The following KDM4C variants were observed in gnomAD, a reference collection of about 807,000 sequenced individuals.
The protein encoded by KDM4C is lysine demethylase 4C.
In KDM4C, 81 loss-of-function variants were observed where a neutral mutation model predicts 129.3. That is an observed-to-expected ratio of 0.63 (90% confidence interval 0.52 to 0.75). KDM4C has a LOEUF of 0.75. Ranked by LOEUF, KDM4C falls within the 30% of genes least tolerant of loss-of-function variation. The pLI is 0.00. For missense variants in KDM4C, 1,457 were observed against 1,304.0 expected (o/e 1.12, Z -1.81); for synonymous variants, 573 against 456.1 (o/e 1.26, Z -3.26).
intron 1 of KDM4C, among the ~76,000 whole-genome samples, chr9:6,732,381 A>T (rs1817376089): frequency 2.1e-5 from 3 of 140,598 alleles, no homozygotes; most frequent in African/African-American, 8.0e-5. Flanking sequence ...AAAAAAAAAA[A>T]AAAAAAAAAA....
At chr9:7,051,799 CCAAA>C (rs770848822) in intron 17 of KDM4C, among the ~76,000 whole-genome samples, 5 of 152,136 alleles carry the variant, frequency 3.3e-5, no homozygotes, top group Non-Finnish European at 5.9e-5. Flanking sequence ...ATTTATTTCA[CCAAA>C]CAATTATCAC....
At chr9:6,768,742 T>G (rs185211210) in intron 1 of KDM4C, among the ~76,000 whole-genome samples, 2 of 152,210 alleles carry the variant, frequency 1.3e-5, no homozygotes, top group Non-Finnish European at 2.9e-5. Context: ...CTTCATGGTC[T>G]TGATTTTCAT....
intron 8 of KDM4C, among the ~76,000 whole-genome samples, chr9:6,917,023 C>T (rs1820427399): frequency 6.6e-6 from 1 of 152,078 alleles, no homozygotes; most frequent in Non-Finnish European, 1.5e-5. Context: ...TTGTTGAGGT[C>T]ATTCTGTTTT....
chr9:6,970,167 G>A (rs1328342106), intron 8 of KDM4C, among the ~76,000 whole-genome samples: 1 of 152,170 alleles, frequency 6.6e-6, no homozygotes, highest in South Asian at 2.1e-4. Context: ...ATCATGCGGT[G>A]CAATTTTGTC....
At chr9:6,943,080 G>C (rs1826255893) in intron 8 of KDM4C, among the ~76,000 whole-genome samples, 1 of 151,978 alleles carries the variant, frequency 6.6e-6, no homozygotes, top group Non-Finnish European at 1.5e-5. Flanking sequence ...TGGTTCCCTG[G>C]CTGTCTGGAA....
chr9:6,759,046 A>G (rs1032288909), intron 1 of KDM4C, among the ~76,000 whole-genome samples: 17 of 152,132 alleles, frequency 1.1e-4, no homozygotes, highest in African/African-American at 2.7e-4. Context: ...ATTGTGGGCA[A>G]TACTACCGGG....
chr9:6,988,091 G>A (rs2131883937), intron 11 of KDM4C, among the ~76,000 whole-genome samples: 1 of 144,768 alleles, frequency 6.9e-6, no homozygotes, highest in African/African-American at 2.6e-5. Flanking sequence ...GGAATTCAAG[G>A]CTGCAGTGAG....
upstream of KDM4C, chr9:6,757,649 T>A (rs1011661533): frequency 5.9e-5 from 58 of 985,354 alleles, no homozygotes; most frequent in Non-Finnish European, 6.7e-5. Flanking sequence ...CCGCCATAGG[T>A]GCGCGTCGGC....
rs1822737835 is a variant in KDM4C, at chr9:7,011,740, C to G, written c.1829C>G (p.Thr610Arg). 1 of 1,614,130 alleles carries G rather than the reference C, an allele frequency of 6.2e-7. No homozygotes were observed. Among genetic ancestry groups the G allele is most frequent in the Non-Finnish European group, 8.5e-7 (1 of 1,179,996 alleles). Residue 610 changes from threonine to arginine, a missense_variant, in exon 13 of 22, where the codon ACA becomes AGA. Physicochemically the swap from Thr to Arg is moderately conservative, Grantham distance 71 (BLOSUM62 -1). Coordinates refer to ENST00000381309, the MANE Select transcript of KDM4C (RefSeq NM_015061.6). Reference sequence around the variant, plus strand: ...TCCATTGAGGAGGAAGTGGAAGAAACAGAGTCTTGGGCGAAACCTCTCATC... The same window carrying G: ...TCCATTGAGGAGGAAGTGGAAGAAAGAGAGTCTTGGGCGAAACCTCTCATC... ...VLSIEEEVEE[T>R]ESWAKPLIHL...
At chr9:7,034,466 C>T (rs1303973881) in intron 15 of KDM4C, among the ~76,000 whole-genome samples, 1 of 152,180 alleles carries the variant, frequency 6.6e-6, no homozygotes, top group African/African-American at 2.4e-5. Flanking sequence ...GTTTAATTTT[C>T]TGTTCCTGGC....
At chr9:7,172,218 C>T (rs550300515) in intron 21 of KDM4C, among the ~76,000 whole-genome samples, 42 of 152,248 alleles carry the variant, frequency 2.8e-4, no homozygotes, top group African/African-American at 6.0e-4. Context: ...TTAATGACTT[C>T]GGCTCACCCA....
At chr9:7,032,357 A>G (rs118180267) in intron 15 of KDM4C, among the ~76,000 whole-genome samples, 89 of 152,332 alleles carry the variant, frequency 5.8e-4, no homozygotes, top group South Asian at 2.3e-3. Flanking sequence ...ATTCCAGAAC[A>G]CAACCTTTAT....
rs1057259755 is a variant in KDM4C at position 7,096,921 on chromosome 9, G to A, written c.2425-6764G>A. Among the ~76,000 whole-genome samples the A allele has an allele frequency of 2.0e-5, 3 of 152,184 alleles. No individual in the cohort carries two copies. In the South Asian group the frequency reaches 6.2e-4, roughly 32 times the overall value. On this transcript the variant is annotated intron_variant, in intron 17 of 21. Transcript: ENST00000381309. ...TCGTGAGTCTCTCACCTGGGCAAGT[G>A]AAGTTTGTGCCAGAGTACAGTCCAA... is the stretch of plus-strand genomic sequence containing the variant.
chr9:7,091,067 C>G (rs1021206476), intron 17 of KDM4C, among the ~76,000 whole-genome samples: 3 of 152,290 alleles, frequency 2.0e-5, no homozygotes, highest in African/African-American at 4.8e-5. Context: ...AAAACCCCCC[C>G]AAAACCTCCA....
intron 8 of KDM4C, among the ~76,000 whole-genome samples, chr9:6,900,060 C>G (rs1817126686): frequency 6.6e-6 from 1 of 152,178 alleles, no homozygotes; most frequent in South Asian, 2.1e-4. Flanking sequence ...TTGACATTGT[C>G]TCCAATATGT....
intron 5 of KDM4C, among the ~76,000 whole-genome samples, chr9:6,859,498 G>C: frequency 1.2e-5 from 1 of 86,952 alleles, no homozygotes; most frequent in Middle Eastern, 0.01. Flanking sequence ...AAAAAAAAAA[G>C]AAATCGTCTC....
At chr9:7,098,105 T>A (rs1027550916) in intron 17 of KDM4C, among the ~76,000 whole-genome samples, 2 of 152,270 alleles carry the variant, frequency 1.3e-5, no homozygotes, top group African/African-American at 4.8e-5. Flanking sequence ...TTTGTCTGTT[T>A]GTGTCTGAAA....
rs376916019 is a variant in KDM4C at position 6,834,279 on chromosome 9, T to C, written c.436-15228T>C. On this transcript the variant is annotated intron_variant, in intron 4 of 21. Transcript: ENST00000381309. Reference sequence around the variant, plus strand: ...TCGGAACTCCTGAGCTCAAGCAATCTGCTCGCCTTGGCCTCCCAAAGTGCT... The same window carrying C: ...TCGGAACTCCTGAGCTCAAGCAATCCGCTCGCCTTGGCCTCCCAAAGTGCT... Among the ~76,000 whole-genome samples, 47 of 152,174 alleles carry C rather than the reference T, an allele frequency of 3.1e-4. No homozygotes were observed. The South Asian group carries it at 9.8e-3, about 32-fold the overall frequency.
chr9:7,025,738 A>G (rs1189136606), intron 15 of KDM4C, among the ~76,000 whole-genome samples: 2 of 152,106 alleles, frequency 1.3e-5, no homozygotes, highest in African/African-American at 2.4e-5. Flanking sequence ...AGTTGTCATT[A>G]TTAGTTTTGG....
Sources: allele counts gnomAD v4.1 joint callset (sites outside exome capture counted in the v4.1 genomes callset), GRCh38; gene constraint gnomAD v4.1.1; transcripts MANE v1.5; gene names NCBI Gene and HGNC (gene_info 2026-07-23, HGNC 2026-07-21).